Variants in TMIGD3 observed in about 807,000 individuals in gnomAD.
TMIGD3 encodes transmembrane and immunoglobulin domain containing 3.
In TMIGD3, 21 loss-of-function variants were observed where a neutral mutation model predicts 28.1. That is an observed-to-expected ratio of 0.75 (90% CI 0.53 to 1.08). The LOEUF (loss-of-function observed/expected upper bound fraction) is 1.08, where lower values mean the gene tolerates loss of function less well. Ranked by LOEUF, TMIGD3 falls within the 50% of genes least tolerant of loss-of-function variation. TMIGD3 has a pLI of 0.00. For missense variants in TMIGD3, 416 were observed against 435.6 expected (o/e 0.96, Z 0.40); for synonymous variants, 151 against 162.1 (o/e 0.93, Z 0.52).
At chr1:111,539,949 T>C (rs1246050320) in intron 1 of TMIGD3, among the ~76,000 whole-genome samples, 2 of 152,126 alleles carry the variant, frequency 1.3e-5, no homozygotes, top group Non-Finnish European at 2.9e-5. Context: ...GCGTGACTAA[T>C]GATAAAGATG....
intron 1 of TMIGD3, among the ~76,000 whole-genome samples, chr1:111,532,826 G>A (rs1023514156): frequency 1.2e-4 from 19 of 152,252 alleles, no homozygotes; most frequent in African/African-American, 3.6e-4. Context: ...AGAAACCTCA[G>A]CTCTAGTCCA....
chr1:111,512,525 T>C (rs1440664446), intron 1 of TMIGD3, among the ~76,000 whole-genome samples: 1 of 152,246 alleles, frequency 6.6e-6, no homozygotes, highest in Admixed American at 6.5e-5. Context: ...ATAAATAAGA[T>C]ACCCCTCTGC....
chr1:111,508,238 G>C (rs1655578229), upstream of TMIGD3, among the ~76,000 whole-genome samples: 1 of 152,210 alleles, frequency 6.6e-6, no homozygotes, highest in Admixed American at 6.5e-5. Flanking sequence ...GGCCCTGGGG[G>C]AAAGAGAAGG....
At chr1:111,555,490 C>G (rs1454078394) in intron 1 of TMIGD3, among the ~76,000 whole-genome samples, 2 of 149,084 alleles carry the variant, frequency 1.3e-5, no homozygotes, top group African/African-American at 5.0e-5. Context: ...AAATAGTAGA[C>G]TCACCCAGAA....
chr1:111,533,250 A>G (rs1207726788), intron 1 of TMIGD3, among the ~76,000 whole-genome samples: 1 of 152,234 alleles, frequency 6.6e-6, no homozygotes, highest in African/African-American at 2.4e-5. Context: ...TGAAGCTGAC[A>G]GTGTTAAATA....
At chr1:111,499,093 A>AAAG (rs1655026101) in intron 1 of TMIGD3, among the ~76,000 whole-genome samples, 2 of 141,378 alleles carry the variant, frequency 1.4e-5, no homozygotes, top group East Asian at 3.9e-4. Context: ...CTTGTCTCAA[A>AAAG]AAAAAAAAGA....
rs2252739 is a variant in TMIGD3, at chr1:111,486,571, A to G, written c.872+15T>C. ...ACCGCCCCAAGCCCATTCATCCGCC[A>G]AGACTATGACTCACCTGGAGCGGTC... On this transcript the variant is annotated intron_variant, in intron 4 of 5. Coordinates refer to ENST00000369716, the MANE Select transcript of TMIGD3 (RefSeq NM_020683.7). 1,308,592 of 1,601,048 alleles carry G rather than the reference A, an allele frequency of 0.82. 535,668 individuals carry two copies. Among genetic ancestry groups the G allele is most frequent in the Middle Eastern group, 0.89 (4,821 of 5,392 alleles).
chr1:111,541,491 G>A (rs924066407), intron 1 of TMIGD3, among the ~76,000 whole-genome samples: 14 of 152,170 alleles, frequency 9.2e-5, no homozygotes, highest in Admixed American at 8.5e-4. Context: ...TAAATTTGTA[G>A]GGGAGTTAAT....
intron 1 of TMIGD3, among the ~76,000 whole-genome samples, chr1:111,494,254 A>G (rs944737702): frequency 1.3e-5 from 2 of 152,250 alleles, no homozygotes; most frequent in East Asian, 1.9e-4. Flanking sequence ...GCATCTAAAT[A>G]GGAAGAGAAG....
At chr1:111,546,951 T>A (rs1439319154) in intron 1 of TMIGD3, among the ~76,000 whole-genome samples, 2 of 152,214 alleles carry the variant, frequency 1.3e-5, no homozygotes, top group Non-Finnish European at 2.9e-5. Context: ...TGTTTTGTTT[T>A]GTTTTGGTTT....
chr1:111,523,584 T>A (rs1041275666), intron 1 of TMIGD3, among the ~76,000 whole-genome samples: 3 of 152,220 alleles, frequency 2.0e-5, no homozygotes, highest in Non-Finnish European at 4.4e-5. Flanking sequence ...AATGGTAATC[T>A]TTCATTCTTA....
At chr1:111,488,462 G>GGGCGCAGACACCCTCCTT (rs1553199390) in intron 3 of TMIGD3, among the ~76,000 whole-genome samples, 2 of 152,180 alleles carry the variant, frequency 1.3e-5, no homozygotes, top group East Asian at 3.9e-4. Flanking sequence ...AAGTGCCCCA[G>GGGCGCAGACACCCTCCTT]GGCGCAGACA....
intron 1 of TMIGD3, among the ~76,000 whole-genome samples, chr1:111,533,107 G>A (rs376670604): frequency 9.5e-4 from 144 of 152,262 alleles, no homozygotes; most frequent in African/African-American, 3.3e-3. Flanking sequence ...TTGGATCCAC[G>A]GGGCCCTCTG....
chr1:111,514,153 G>C (rs1285670480), intron 1 of TMIGD3, among the ~76,000 whole-genome samples: 1 of 152,216 alleles, frequency 6.6e-6, no homozygotes, highest in African/African-American at 2.4e-5. Context: ...TTAAACTCTT[G>C]TGTGGTAAAG....
chr1:111,530,026 G>A (rs1656407060), intron 1 of TMIGD3, among the ~76,000 whole-genome samples: 1 of 149,292 alleles, frequency 6.7e-6, no homozygotes, highest in African/African-American at 2.5e-5. Context: ...CTCCCGGACG[G>A]GGCGGCTGGC....
intron 1 of TMIGD3, among the ~76,000 whole-genome samples, chr1:111,543,861 T>G (rs1000088595): frequency 1.2e-4 from 18 of 152,148 alleles, no homozygotes; most frequent in Non-Finnish European, 2.2e-4. Flanking sequence ...GGGTTTATTT[T>G]AAAGGATTGG....
At chr1:111,544,035 A>G (rs1488598426) in intron 1 of TMIGD3, among the ~76,000 whole-genome samples, 1 of 152,206 alleles carries the variant, frequency 6.6e-6, no homozygotes, top group Non-Finnish European at 1.5e-5. Flanking sequence ...ATAGTTTCCA[A>G]TCAAATGTAT....
intron 1 of TMIGD3, chr1:111,501,134 G>T (rs1055431543): frequency 4.6e-5 from 7 of 153,440 alleles, no homozygotes; most frequent in African/African-American, 1.2e-4. Context: ...GCACTGTTCT[G>T]TTTGGCTGTT....
chr1:111,541,331 T>G (rs1489961977), intron 1 of TMIGD3, among the ~76,000 whole-genome samples: 1 of 152,132 alleles, frequency 6.6e-6, no homozygotes. Context: ...GAAAAGAAAA[T>G]GATGAGCTCT....
Sources: gnomAD v4.1 joint callset for allele counts (sites outside exome capture counted in the v4.1 genomes callset) on GRCh38, gnomAD v4.1.1 for gene constraint, MANE v1.5 for transcripts, NCBI Gene and HGNC (gene_info 2026-07-23, HGNC 2026-07-21) for gene names.